XNDC1N: variants seen among roughly 807,000 people sequenced by gnomAD.
The protein encoded by XNDC1N is protein XNDC1N.
At chr11:71,873,880 C>T in the XNDC1N span, among the ~76,000 whole-genome samples, 1 of 152,106 alleles carries the variant, frequency 6.6e-6, no homozygotes, top group Admixed American at 6.5e-5. Context: ...ATTTTAGAAA[C>T]ATATCTCTGG....
chr11:71,885,814 G>A, the XNDC1N span, among the ~76,000 whole-genome samples: 1 of 151,754 alleles, frequency 6.6e-6, no homozygotes, highest in Non-Finnish European at 1.5e-5. Flanking sequence ...TAATATTACT[G>A]TTTTCTAATG....
chr11:71,871,554 T>C, the XNDC1N span, among the ~76,000 whole-genome samples: 1 of 152,200 alleles, frequency 6.6e-6, no homozygotes, highest in African/African-American at 2.4e-5. Context: ...ATAATGATTT[T>C]AGGTGATTGG....
chr11:71,926,485 C>G, the XNDC1N span, among the ~76,000 whole-genome samples: 2 of 152,090 alleles, frequency 1.3e-5, no homozygotes, highest in Non-Finnish European at 2.9e-5. Context: ...TCATGATCTC[C>G]CACACTTCAG....
the XNDC1N span, among the ~76,000 whole-genome samples, chr11:71,879,806 T>C: frequency 6.6e-6 from 1 of 152,308 alleles, no homozygotes; most frequent in East Asian, 1.9e-4. Context: ...TGTATATTCC[T>C]ATTCTGGACA....
At chr11:71,924,626 AG>A in the XNDC1N span, among the ~76,000 whole-genome samples, 2 of 151,990 alleles carry the variant, frequency 1.3e-5, no homozygotes, top group Non-Finnish European at 2.9e-5. Context: ...TGCAGTGAGC[AG>A]AGATCGTGCC....
chr11:71,911,146 A>C, the XNDC1N span, among the ~76,000 whole-genome samples: 300 of 152,320 alleles, frequency 2.0e-3, 2 homozygotes, highest in African/African-American at 5.8e-3. Context: ...CAAGTACAAG[A>C]AGCAAATAAG....
At chr11:71,908,596 CGT>C in the XNDC1N span, among the ~76,000 whole-genome samples, 1 of 152,156 alleles carries the variant, frequency 6.6e-6, no homozygotes, top group South Asian at 2.1e-4. Flanking sequence ...GCTGGAGAGG[CGT>C]GTTTTTGGGT....
chr11:71,895,148 G>T, the XNDC1N span, among the ~76,000 whole-genome samples: 4,257 of 151,784 alleles, frequency 0.028, 63 homozygotes, highest in East Asian at 0.08. Flanking sequence ...CACCAGAGGT[G>T]GTTCCAATAA....
At chr11:71,923,041 G>C in the XNDC1N span, among the ~76,000 whole-genome samples, 4 of 152,208 alleles carry the variant, frequency 2.6e-5, no homozygotes, top group African/African-American at 9.6e-5. Flanking sequence ...CAGTTTCTGG[G>C]CTTACAGCTT....
the XNDC1N span, chr11:71,926,037 CGAG>C: frequency 6.6e-6 from 1 of 151,048 alleles, no homozygotes; most frequent in Non-Finnish European, 1.5e-5. Flanking sequence ...ATTGGGAGGC[CGAG>C]GAGGGTGGAT....
the XNDC1N span, among the ~76,000 whole-genome samples, chr11:71,904,754 T>G: frequency 6.6e-6 from 1 of 151,992 alleles, no homozygotes; most frequent in Non-Finnish European, 1.5e-5. Context: ...AGGAGTAATA[T>G]TCCCCTAGGA....
At chr11:71,910,262 T>C in the XNDC1N span, among the ~76,000 whole-genome samples, 1 of 152,186 alleles carries the variant, frequency 6.6e-6, no homozygotes, top group Non-Finnish European at 1.5e-5. Flanking sequence ...CAACAGTAAA[T>C]AACCCGTCCA....
chr11:71,885,115 A>G, the XNDC1N span, among the ~76,000 whole-genome samples: 3 of 150,968 alleles, frequency 2.0e-5, no homozygotes, highest in Admixed American at 6.5e-5. Context: ...GTATACAGAG[A>G]TTGTACACCC....
chr11:71,914,147 A>C, the XNDC1N span, among the ~76,000 whole-genome samples: 1 of 152,180 alleles, frequency 6.6e-6, no homozygotes, highest in Admixed American at 6.5e-5. Context: ...ATTGCTATTT[A>C]AGAAATAAAT....
the XNDC1N span, among the ~76,000 whole-genome samples, chr11:71,888,394 G>T: frequency 6.6e-6 from 1 of 152,322 alleles, no homozygotes; most frequent in South Asian, 2.1e-4. Flanking sequence ...GCCTTTGTAT[G>T]CGGTCACCAA....
the XNDC1N span, among the ~76,000 whole-genome samples, chr11:71,906,305 G>A: frequency 6.7e-6 from 1 of 149,224 alleles, no homozygotes; most frequent in Admixed American, 6.7e-5. Flanking sequence ...ACTATCACAG[G>A]GTGTACACCC....
chr11:71,920,158 A>AC, the XNDC1N span, among the ~76,000 whole-genome samples: 43 of 119,824 alleles, frequency 3.6e-4, no homozygotes, highest in Middle Eastern at 6.7e-3. Context: ...ACGGGGTTTC[A>AC]CGTGTTAGCC....
At chr11:71,906,863 TCA>T in the XNDC1N span, among the ~76,000 whole-genome samples, 1 of 152,090 alleles carries the variant, frequency 6.6e-6, no homozygotes. Flanking sequence ...GATGATAATA[TCA>T]CAGAGTGTAC....
chr11:71,895,374 G>A, the XNDC1N span, among the ~76,000 whole-genome samples: 1 of 151,558 alleles, frequency 6.6e-6, no homozygotes, highest in African/African-American at 2.4e-5. Context: ...CAATGGCACG[G>A]TCTCGGCTCA....
Sources: allele counts gnomAD v4.1 joint callset (sites outside exome capture counted in the v4.1 genomes callset), GRCh38; gene constraint gnomAD v4.1.1; transcripts MANE v1.5; gene names NCBI Gene and HGNC (gene_info 2026-07-23, HGNC 2026-07-21).